Variants in FRAS1 observed in about 807,000 individuals in gnomAD.
FRAS1 encodes the protein Fraser extracellular matrix complex subunit 1.
In FRAS1, 290 loss-of-function variants were observed where a neutral mutation model predicts 435.2. The observed-to-expected ratio is 0.67, with a 90% CI of 0.61 to 0.73. FRAS1 has a LOEUF of 0.73. Among genes scored for constraint, FRAS1 ranks in the 30% least tolerant of loss-of-function variants. The probability of loss-of-function intolerance (pLI) is 0.00; values close to 1 mark genes in which losing one functional copy is unlikely to be tolerated. For synonymous variants in FRAS1, 1,800 were observed against 1,851.0 expected, an observed-to-expected ratio of 0.97 and a Z score of 0.71; for missense variants, 4,860 against 5,001.5, an observed-to-expected ratio of 0.97 and a Z score of 0.85.
At chr4:78,360,237 A>G (rs1266747181) in intron 20 of FRAS1, among the ~76,000 whole-genome samples, 2 of 152,172 alleles carry the variant, frequency 1.3e-5, no homozygotes, top group Non-Finnish European at 2.9e-5. Flanking sequence ...TTCAGGTAGG[A>G]TAAGGAATTA....
intron 53 of FRAS1, among the ~76,000 whole-genome samples, chr4:78,474,379 A>G (rs1719801086): frequency 6.6e-6 from 1 of 152,224 alleles, no homozygotes; most frequent in African/African-American, 2.4e-5. Flanking sequence ...TCACTATCCA[A>G]GAAATCAACT....
At chr4:78,326,185 C>G in intron 18 of FRAS1, among the ~76,000 whole-genome samples, 1 of 152,066 alleles carries the variant, frequency 6.6e-6, no homozygotes, top group Admixed American at 6.6e-5. Context: ...GATAAATAGG[C>G]AGAAACAGGG....
At chr4:78,116,537 A>C (rs1743190578) in intron 2 of FRAS1, among the ~76,000 whole-genome samples, 1 of 152,192 alleles carries the variant, frequency 6.6e-6, no homozygotes, top group Non-Finnish European at 1.5e-5. Context: ...ATATATATTT[A>C]GGATAATTAG....
At chr4:78,181,140 G>T (rs527871253) in intron 2 of FRAS1, 1 of 1,579,220 alleles carries the variant, frequency 6.3e-7, no homozygotes, top group African/African-American at 1.3e-5. Context: ...TTCTTCCACT[G>T]CCCATCAGCA....
At chr4:78,497,975 G>A (rs1720554815) in intron 60 of FRAS1, among the ~76,000 whole-genome samples, 1 of 152,130 alleles carries the variant, frequency 6.6e-6, no homozygotes, top group East Asian at 1.9e-4. Context: ...ATACTCTGCT[G>A]CAACTAACAC....
chr4:78,205,045 C>T (rs923503408), intron 2 of FRAS1, among the ~76,000 whole-genome samples: 4 of 152,024 alleles, frequency 2.6e-5, no homozygotes, highest in African/African-American at 4.8e-5. Context: ...GGTGGTGGAG[C>T]TTGAGGTGGG....
intron 2 of FRAS1, among the ~76,000 whole-genome samples, chr4:78,166,151 C>A (rs1027004331): frequency 6.6e-6 from 1 of 152,116 alleles, no homozygotes; most frequent in Non-Finnish European, 1.5e-5. Context: ...AGGAAAATAA[C>A]CTTTGACTAT....
rs757931324 is a variant in FRAS1, at chr4:78,372,794, C to G, written c.2946C>G (p.Leu982=). Residue 982 remains leucine (L), a synonymous_variant, in exon 24 of 74, where the codon CTC becomes CTG. Transcript: ENST00000512123. ...TGCAGTGCATGGATGGCTATGTTCT[C>G]CAGGATGGGGCCTGCGTGGAGCAGT... The part of the protein sequence containing the change: ...DCLQCMDGYV[L]QDGACVEQCL... 1.9e-6 allele frequency: 3 copies of G among 1,613,214 alleles called. No individual in the cohort carries two copies. Among genetic ancestry groups the G allele is most frequent in the Non-Finnish European group, 2.5e-6 (3 of 1,179,718 alleles).
chr4:78,270,851 T>C (rs1179752619), intron 9 of FRAS1, among the ~76,000 whole-genome samples: 1 of 152,172 alleles, frequency 6.6e-6, no homozygotes, highest in African/African-American at 2.4e-5. Flanking sequence ...ATGCATCTGC[T>C]TTCTATAGTA....
At chr4:78,156,244 G>C (rs6838661) in intron 2 of FRAS1, among the ~76,000 whole-genome samples, 23,863 of 152,066 alleles carry the variant, frequency 0.16, 2,060 homozygotes, top group Non-Finnish European at 0.19. Flanking sequence ...ACTTTTGTGA[G>C]CTTAGCACAT....
chr4:78,467,777 G>A (rs34109575), intron 50 of FRAS1, among the ~76,000 whole-genome samples: 49,572 of 151,988 alleles, frequency 0.33, 8,788 homozygotes, highest in Admixed American at 0.41. Flanking sequence ...TAACTGGGGT[G>A]AGTTGACATC....
At chr4:78,371,519 TCATTTTATTCTTCA>T (rs776876196) in intron 23 of FRAS1, among the ~76,000 whole-genome samples, 2 of 152,252 alleles carry the variant, frequency 1.3e-5, no homozygotes, top group African/African-American at 4.8e-5. Context: ...ATTCATTATT[TCATTTTATTCTTCA>T]CATTTTATTC....
At chr4:78,359,108 C>T (rs955692423) in intron 20 of FRAS1, among the ~76,000 whole-genome samples, 7 of 152,132 alleles carry the variant, frequency 4.6e-5, no homozygotes, top group African/African-American at 1.4e-4. Context: ...CCATGGCTTA[C>T]TTTGTAGTCA....
At chr4:78,157,217 G>T (rs546949382) in intron 2 of FRAS1, among the ~76,000 whole-genome samples, 1 of 152,114 alleles carries the variant, frequency 6.6e-6, no homozygotes, top group Non-Finnish European at 1.5e-5. Context: ...TCTTTACCCA[G>T]TTCACCATTG....
intron 2 of FRAS1, among the ~76,000 whole-genome samples, chr4:78,096,599 C>G (rs571697851): frequency 6.6e-6 from 1 of 152,168 alleles, no homozygotes; most frequent in Admixed American, 6.5e-5. Context: ...TCTGTGCACC[C>G]GCAGGCTCAA....
chr4:78,482,047 A>G, intron 57 of FRAS1, 83 bp downstream of exon 57: 2 of 1,376,320 alleles, frequency 1.5e-6, no homozygotes, highest in East Asian at 2.3e-5. Flanking sequence ...CAAGCTCTCT[A>G]AACTCCCCTG....
intron 29 of FRAS1, among the ~76,000 whole-genome samples, chr4:78,391,050 T>A (rs992434840): frequency 2.0e-4 from 31 of 152,054 alleles, no homozygotes; most frequent in African/African-American, 7.5e-4. Flanking sequence ...TTTGGATGGA[T>A]GGGTAATGGA....
At chr4:78,331,995 G>A (rs570975536) in intron 18 of FRAS1, among the ~76,000 whole-genome samples, 163 of 152,308 alleles carry the variant, frequency 1.1e-3, no homozygotes, top group African/African-American at 3.8e-3. Flanking sequence ...AGAGGTGATG[G>A]GGGGAACATG....
intron 33 of FRAS1, among the ~76,000 whole-genome samples, chr4:78,420,879 CATATATATATATATATATATATATATAT>C (rs72430754): frequency 2.2e-4 from 21 of 95,516 alleles, no homozygotes; most frequent in East Asian, 8.0e-4. Flanking sequence ...ACTAATAGGA[CATATATATATATATATATATATATATAT>C]ATATATATAT....
Sources: gnomAD v4.1 joint callset for allele counts (sites outside exome capture counted in the v4.1 genomes callset) on GRCh38, gnomAD v4.1.1 for gene constraint, MANE v1.5 for transcripts, NCBI Gene and HGNC (gene_info 2026-07-23, HGNC 2026-07-21) for gene names.